Variants in DPP10 observed in about 807,000 individuals in gnomAD.
DPP10 encodes inactive dipeptidyl peptidase 10.
DPP10 carries 33 observed loss-of-function variants against 120.9 expected under a neutral mutation model. The ratio of observed to expected loss-of-function variants is 0.27; its 90% CI spans 0.21 to 0.37. DPP10 has a LOEUF of 0.37. Ranked by LOEUF, DPP10 falls within the 10% of genes least tolerant of loss-of-function variation. DPP10 has a pLI of 1.00. For synonymous variants in DPP10, 337 were observed against 326.1 expected, an observed-to-expected ratio of 1.03 and a Z score of -0.36; for missense variants, 816 against 942.8, an observed-to-expected ratio of 0.87 and a Z score of 1.76.
intron 3 of DPP10, among the ~76,000 whole-genome samples, chr2:115,463,931 A>T (rs1274483624): frequency 6.6e-6 from 1 of 152,156 alleles, no homozygotes. Flanking sequence ...TCTGTTGGTC[A>T]TAATGGCTGA....
intron 5 of DPP10, among the ~76,000 whole-genome samples, chr2:115,544,273 G>A (rs1220381797): frequency 6.6e-6 from 1 of 152,004 alleles, no homozygotes; most frequent in Non-Finnish European, 1.5e-5. Context: ...GGTGTATGCT[G>A]TTGTTATAGT....
intron 5 of DPP10, among the ~76,000 whole-genome samples, chr2:115,551,707 A>C (rs1372288222): frequency 6.6e-6 from 1 of 152,152 alleles, no homozygotes; most frequent in Non-Finnish European, 1.5e-5. Flanking sequence ...TATACTGTCA[A>C]ACTATGGGAA....
chr2:115,444,351 C>T lies in DPP10; in HGVS notation c.272-55159C>T, dbSNP rs145642845. Reference sequence around the variant, plus strand: ...GATGAATCTCATGTAATTAACATGACGGTTAGACTCAGGCACCTGCACTTT... The same window carrying T: ...GATGAATCTCATGTAATTAACATGATGGTTAGACTCAGGCACCTGCACTTT... On this transcript the variant is annotated intron_variant, in intron 3 of 25. Coordinates refer to ENST00000410059, the MANE Select transcript of DPP10 (RefSeq NM_020868.6). Among the ~76,000 whole-genome samples, 240 of 152,228 alleles carry T rather than the reference C, an allele frequency of 1.6e-3. 1 individual carries two copies. Among genetic ancestry groups the T allele is most frequent in the African/African-American group, 4.9e-3 (204 of 41,536 alleles).
At chr2:114,620,052 C>A (rs963350538) in intron 1 of DPP10, among the ~76,000 whole-genome samples, 1 of 151,888 alleles carries the variant, frequency 6.6e-6, no homozygotes, top group South Asian at 2.1e-4. Context: ...AGTTGGAATT[C>A]CTTCTACAAC....
intron 21 of DPP10, among the ~76,000 whole-genome samples, chr2:115,829,459 TCTTTA>T (rs143751778): frequency 0.013 from 1,964 of 152,274 alleles, 43 homozygotes; most frequent in African/African-American, 0.042. Flanking sequence ...GAATTTTCAC[TCTTTA>T]CTTCTCTCTT....
chr2:115,430,408 T>G (rs1268290816), intron 3 of DPP10, among the ~76,000 whole-genome samples: 1 of 152,106 alleles, frequency 6.6e-6, no homozygotes, highest in Non-Finnish European at 1.5e-5. Flanking sequence ...TAAAAACAAG[T>G]TTATCTGTGA....
chr2:115,219,355 T>C (rs1337347428), intron 1 of DPP10, among the ~76,000 whole-genome samples: 2 of 152,112 alleles, frequency 1.3e-5, no homozygotes, highest in African/African-American at 4.8e-5. Flanking sequence ...ACATGAATCA[T>C]GAGCATGGTT....
rs1388763053 is a variant in DPP10 at position 115,161,185 on chromosome 2, C to T, written c.61-148054C>T. Reference sequence around the variant, plus strand: ...TCGGAAGGCGCAGCTACAGGACGCCCGCTGCCCCGGATCGGAAGGCGCAGC... The same window carrying T: ...TCGGAAGGCGCAGCTACAGGACGCCTGCTGCCCCGGATCGGAAGGCGCAGC... On this transcript the variant is annotated intron_variant, in intron 1 of 25. Transcript: ENST00000410059. 4 of 152,394 alleles carry T rather than the reference C, an allele frequency of 2.6e-5. No homozygotes were observed. In the East Asian group the frequency reaches 7.7e-4, roughly 30 times the overall value. 9.4% of individuals were successfully genotyped at this position (152,394 alleles called of 1,614,324 possible).
intron 3 of DPP10, among the ~76,000 whole-genome samples, chr2:115,382,980 G>T (rs1244846616): frequency 2.0e-5 from 3 of 152,160 alleles, no homozygotes; most frequent in Non-Finnish European, 4.4e-5. Flanking sequence ...TCTGCACAGG[G>T]GGTGCCATAC....
intron 1 of DPP10, among the ~76,000 whole-genome samples, chr2:114,930,642 A>G (rs1400660770): frequency 6.6e-6 from 1 of 152,214 alleles, no homozygotes; most frequent in Non-Finnish European, 1.5e-5. Flanking sequence ...GTTTCTATAA[A>G]GGAATACCTG....
rs960246090 is a variant in DPP10 at position 114,745,174 on chromosome 2, C to T, written c.60+302336C>T. 6.6e-5 allele frequency among the ~76,000 whole-genome samples: 10 copies of T among 152,274 alleles called. No individual in the cohort carries two copies. The East Asian group carries it at 1.9e-3, about 29-fold the overall frequency. On this transcript the variant is annotated intron_variant, in intron 1 of 25. Transcript: ENST00000410059. ...GAACTCAAATTAGCTAATATAACTG[C>T]CTTGTTATTCCTTTTGAAGTGTTTT... is the stretch of plus-strand genomic sequence containing the variant.
At chr2:115,172,198 C>T (rs1204010518) in intron 1 of DPP10, among the ~76,000 whole-genome samples, 2 of 152,088 alleles carry the variant, frequency 1.3e-5, no homozygotes, top group Non-Finnish European at 2.9e-5. Context: ...AAACAACAGA[C>T]TTCTGATACA....
At chr2:114,713,809 A>AC (rs1701178749) in intron 1 of DPP10, among the ~76,000 whole-genome samples, 1 of 151,818 alleles carries the variant, frequency 6.6e-6, no homozygotes, top group African/African-American at 2.4e-5. Context: ...AACATGGTGA[A>AC]CCCTTGTCTC....
chr2:115,582,688 T>C (rs754037949), intron 5 of DPP10, among the ~76,000 whole-genome samples: 4 of 152,216 alleles, frequency 2.6e-5, no homozygotes, highest in Non-Finnish European at 4.4e-5. Context: ...TTTAACTTCA[T>C]CACATCTCTT....
chr2:115,833,643 G>A (rs553605824), intron 21 of DPP10, among the ~76,000 whole-genome samples: 1 of 152,084 alleles, frequency 6.6e-6, no homozygotes, highest in Non-Finnish European at 1.5e-5. Flanking sequence ...TATGTGATGG[G>A]TCACAGTCAA....
chr2:115,530,767 T>C (rs2078414227), intron 5 of DPP10, among the ~76,000 whole-genome samples: 1 of 152,156 alleles, frequency 6.6e-6, no homozygotes, highest in African/African-American at 2.4e-5. Context: ...TAGAATCATC[T>C]GGAGAGTTTT....
At chr2:115,043,812 A>G (rs962802223) in intron 1 of DPP10, among the ~76,000 whole-genome samples, 7 of 152,204 alleles carry the variant, frequency 4.6e-5, no homozygotes, top group African/African-American at 1.7e-4. Context: ...TCTCTTTACT[A>G]TTTATACAAG....
At chr2:115,708,976 T>A (rs1449546288) in intron 7 of DPP10, among the ~76,000 whole-genome samples, 5 of 152,056 alleles carry the variant, frequency 3.3e-5, no homozygotes, top group Admixed American at 2.6e-4. Context: ...AGAAGAGCAA[T>A]TGCTCACACA....
intron 1 of DPP10, among the ~76,000 whole-genome samples, chr2:114,525,774 C>A (rs2104694361): frequency 6.6e-6 from 1 of 152,308 alleles, no homozygotes; most frequent in Middle Eastern, 3.4e-3. Flanking sequence ...ATTTTATGAA[C>A]ATCTCCATGA....
Sources: allele counts gnomAD v4.1 joint callset (sites outside exome capture counted in the v4.1 genomes callset), GRCh38; gene constraint gnomAD v4.1.1; transcripts MANE v1.5; gene names NCBI Gene and HGNC (gene_info 2026-07-23, HGNC 2026-07-21).